PHF12: variants seen among roughly 807,000 people sequenced by gnomAD.
The protein encoded by PHF12 is PHD finger protein 12, also known as PHD factor 1.
In PHF12, 6 loss-of-function variants were observed where a neutral mutation model predicts 99.8. The observed-to-expected ratio is 0.06, with a 90% CI of 0.03 to 0.12. The LOEUF is 0.12. PHF12 is among the 10% of genes least tolerant of loss of function. The pLI, the probability that PHF12 is intolerant of heterozygous loss-of-function variation, is 1.00. For synonymous variants in PHF12, 480 were observed against 514.9 expected, an observed-to-expected ratio of 0.93 and a Z score of 0.92; for missense variants, 954 against 1,300.1, an observed-to-expected ratio of 0.73 and a Z score of 4.09.
At chr17:28,907,076 G>A (rs1306370458) in intron 13 of PHF12, 82 bp from the exon 14 acceptor site, 1 of 1,460,648 alleles carries the variant, frequency 6.8e-7, no homozygotes, top group Non-Finnish European at 9.3e-7. Context: ...TATGGAGAAG[G>A]CCGTGCTACT....
intron 2 of PHF12, among the ~76,000 whole-genome samples, chr17:28,935,992 T>G (rs1400305120): frequency 6.6e-6 from 1 of 152,176 alleles, no homozygotes; most frequent in East Asian, 1.9e-4. Context: ...ATCCCAACTC[T>G]CAGCCCGAGG....
At position 28,905,387 on chromosome 17, in the gene PHF12, G is replaced by C. The variant is rs905091873; in HGVS notation, c.*796C>G. The C allele has an allele frequency of 6.5e-6, 1 of 152,674 alleles. No individual in the cohort carries two copies. 9.5% of individuals were successfully genotyped at this position (152,674 alleles called of 1,614,324 possible). A position where few individuals can be genotyped will look rare whatever the true frequency, so the allele number is the denominator to read the frequency against. ...GGAACCAGGGGCAGGAGGAAGAGGA[G>C]AGAAGTGGCAAGAGAACAAAAAAAG... On this transcript the variant is annotated 3_prime_UTR_variant, in exon 15 of 15. Coordinates refer to ENST00000332830, the MANE Select transcript of PHF12 (RefSeq NM_001033561.2).
chr17:28,943,357 C>T (rs769710334), intron 2 of PHF12, among the ~76,000 whole-genome samples: 13 of 152,240 alleles, frequency 8.5e-5, no homozygotes, highest in South Asian at 4.1e-4. Context: ...CTGGCTGGCA[C>T]GGTGGCTCAC....
rs1444110729 is a variant in PHF12, at chr17:28,906,020, A to G, written c.*163T>C. 3 of 730,564 alleles carry G rather than the reference A, an allele frequency of 4.1e-6. No homozygotes were observed. Among genetic ancestry groups the G allele is most frequent in the Non-Finnish European group, 6.3e-6 (3 of 476,984 alleles). The allele number at this position is 730,564 out of a possible 1,614,324, so 45.3% of individuals were successfully genotyped here. A position where few individuals can be genotyped will look rare whatever the true frequency, so the allele number is the denominator to read the frequency against. Reference sequence around the variant, plus strand: ...CCTAGAACTTGAGAAAAGAAAAAGGATTTTTAAAAAACAGTCAAAAGGTTT... The same window carrying G: ...CCTAGAACTTGAGAAAAGAAAAAGGGTTTTTAAAAAACAGTCAAAAGGTTT... On this transcript the variant is annotated 3_prime_UTR_variant, in exon 15 of 15. Transcript: ENST00000332830. The surrounding 1 kb of genome is among the most constrained non-coding windows in gnomAD (Gnocchi z 4.2).
Position 28,913,112 on chromosome 17 carries a change from G to C in PHF12, c.1459C>G (p.Pro487Ala). The change falls in exon 9 of 15, where the codon CCT (proline) becomes GCT (alanine). Residue 487 changes from proline to alanine, a missense_variant. This residue lies in a region of PHF12 where 392 missense variants were observed against 423.1 expected (regional missense o/e 0.93). Transcript: ENST00000332830. ...GACAAGGGGTAGTGGGAAGGTGTAG[G>C]TGTCTTGTCAGCTGTTTGCAGGGAG... ...TTSLQTADKT[P>A]TPSHYPLSCP... 6.2e-7 allele frequency: 1 copy of C among 1,614,174 alleles called. No individual in the cohort carries two copies. The highest frequency in any genetic ancestry group is 8.5e-7 in the Non-Finnish European group (1 of 1,180,020).
At chr17:28,942,800 A>T (rs1376891067) in intron 2 of PHF12, among the ~76,000 whole-genome samples, 1 of 152,114 alleles carries the variant, frequency 6.6e-6, no homozygotes. Context: ...TCGGCGACAG[A>T]GGGAGACTCT....
At chr17:28,927,296 T>G (rs1036328426) in intron 2 of PHF12, among the ~76,000 whole-genome samples, 3 of 152,154 alleles carry the variant, frequency 2.0e-5, no homozygotes, top group Non-Finnish European at 4.4e-5. Flanking sequence ...ACACTGGGTT[T>G]GTAGGGAAAG....
At position 28,905,966 on chromosome 17, in the gene PHF12, G is replaced by A. The variant is rs2039864446; in HGVS notation, c.*217C>T. 6.0e-6 allele frequency: 3 copies of A among 500,944 alleles called. No homozygotes were observed. Among genetic ancestry groups the A allele is most frequent in the Non-Finnish European group, 6.8e-6 (2 of 294,074 alleles). The allele number at this position is 500,944 out of a possible 1,614,324, so 31.0% of individuals were successfully genotyped here. A position where few individuals can be genotyped will look rare whatever the true frequency, so the allele number is the denominator to read the frequency against. ...CAGGTCTGCCGCTTTCCCATGAAAT[G>A]TTGAGTACAAATATATGTGCAAATG... On this transcript the variant is annotated 3_prime_UTR_variant, in exon 15 of 15. Transcript: ENST00000332830.
intron 4 of PHF12, 114 bp from the exon 5 acceptor site, chr17:28,921,922 G>A: frequency 1.4e-6 from 2 of 1,404,578 alleles, no homozygotes; most frequent in Non-Finnish European, 1.9e-6. Flanking sequence ...CATGGCCTAA[G>A]CATGAATTGC....
chr17:28,935,273 T>C (rs2152673971), intron 2 of PHF12, among the ~76,000 whole-genome samples: 1 of 152,222 alleles, frequency 6.6e-6, no homozygotes, highest in Non-Finnish European at 1.5e-5. Flanking sequence ...ATTTTATTTA[T>C]TTTATTTTTT....
chr17:28,945,594 A>C (rs1024041808), intron 2 of PHF12, among the ~76,000 whole-genome samples: 2 of 152,138 alleles, frequency 1.3e-5, no homozygotes, highest in Non-Finnish European at 2.9e-5. Flanking sequence ...ATGCCATAAG[A>C]AGGTAATCAC....
Position 28,950,018 on chromosome 17 carries a change from CAG to C in PHF12, c.248+45_248+46del. 2.0e-6 allele frequency: 3 copies of C among 1,513,336 alleles called. No homozygotes were observed. The highest frequency in any genetic ancestry group is 2.7e-6 in the Non-Finnish European group (3 of 1,123,672). The allele number at this position is 1,513,336 out of a possible 1,614,324, so 93.7% of individuals were successfully genotyped here. ...GGGGCAGGCCGGGTGAAGGAATGCG[CAG>C]AGAAGGGTCCGCCAAGAAGCTCCAA... is the stretch of plus-strand genomic sequence containing the variant. On this transcript the variant is annotated intron_variant, in intron 2 of 14. Transcript: ENST00000332830. This position sits in a 1 kb window ranked among gnomAD's most constrained non-coding sequence, Gnocchi z 5.7.
chr17:28,945,723 C>A (rs965029571), intron 2 of PHF12, among the ~76,000 whole-genome samples: 4 of 152,194 alleles, frequency 2.6e-5, no homozygotes, highest in African/African-American at 9.7e-5. Flanking sequence ...TAAAGCTGTA[C>A]TGGTTATTCT....
rs377509307 is a variant in PHF12, at chr17:28,911,285, C to T, written c.2090-48G>A. On this transcript the variant is annotated intron_variant, in intron 9 of 14. Coordinates refer to ENST00000332830, the MANE Select transcript of PHF12 (RefSeq NM_001033561.2). ...GTTACTTACGTCGCCTGAGGGAAAC[C>T]CACCGTCCAATCCCCCACTGCTGAG... is the stretch of plus-strand genomic sequence containing the variant. The T allele has an allele frequency of 2.5e-6, 4 of 1,608,986 alleles. No individual in the cohort carries two copies. In the South Asian group the frequency reaches 3.3e-5, roughly 13 times the overall value.
In PHF12 at chr17:28,907,668, A is replaced by G. The variant is rs749629069; in HGVS notation, c.2463T>C (p.Ala821=). 7 of 1,613,640 alleles carry G rather than the reference A, an allele frequency of 4.3e-6. No individual in the cohort carries two copies. The highest frequency in any genetic ancestry group is 5.9e-6 in the Non-Finnish European group (7 of 1,179,744). The change falls in exon 13 of 15, where the codon GCT becomes GCC. Residue 821 remains alanine (A), a synonymous_variant. Coordinates refer to ENST00000332830, the MANE Select transcript of PHF12 (RefSeq NM_001033561.2). ...CYRTLYIGTG[A]DMDVCLTNYG... ...AGTTTGTAAGGCACACATCCATGTC[A>G]GCTCCTGCAAGGTGGCAGGAGTAGA...
chr17:28,947,527 G>A (rs1358833304), intron 2 of PHF12, among the ~76,000 whole-genome samples: 2 of 151,864 alleles, frequency 1.3e-5, no homozygotes, highest in African/African-American at 4.8e-5. Context: ...GCAATAAGCC[G>A]AGATTGCACC....
chr17:28,907,867 C>T (rs1178065986), intron 12 of PHF12, 195 bp from the exon 13 acceptor site: 5 of 495,912 alleles, frequency 1.0e-5, no homozygotes, highest in Non-Finnish European at 1.8e-5. Flanking sequence ...TGATAAAGAA[C>T]AGCTGTCCCT....
rs1390509254 is a variant in PHF12 at position 28,935,204 on chromosome 17, C to T, written c.249-8141G>A. ...CTACCAGATCATTTGTTAAAAGGCCCTGGCCTACAATTCCTGGCCAGAAAG... is the reference window on the plus strand; with the variant it reads ...CTACCAGATCATTTGTTAAAAGGCCTTGGCCTACAATTCCTGGCCAGAAAG... On this transcript the variant is annotated intron_variant, in intron 2 of 14. Transcript: ENST00000332830. 2.0e-5 allele frequency among the ~76,000 whole-genome samples: 3 copies of T among 152,230 alleles called. No individual in the cohort carries two copies. The East Asian group carries it at 5.8e-4, about 29-fold the overall frequency.
chr17:28,913,038 G>A lies in PHF12; in HGVS notation c.1533C>T (p.Pro511=). The A allele has an allele frequency of 6.2e-7, 1 of 1,614,182 alleles. No individual in the cohort carries two copies. The highest frequency in any genetic ancestry group is 8.5e-7 in the Non-Finnish European group (1 of 1,180,024). Residue 511 remains proline, a synonymous_variant, in exon 9 of 15, where the codon CCC becomes CCT. Transcript: ENST00000332830. ...STQNSLSCSP[P]HQSPALEDIG... ...TGTCCTCTAGGGCTGGGGACTGGTG[G>A]GGTGGAGAGCAGCTCAGGGAATTCT...
Sources: allele counts gnomAD v4.1 joint callset (sites outside exome capture counted in the v4.1 genomes callset), GRCh38; gene constraint gnomAD v4.1.1; regional missense constraint gnomAD v4.1.1; non-coding constraint Gnocchi (gnomAD v3.1); transcripts MANE v1.5; gene names NCBI Gene and HGNC (gene_info 2026-07-23, HGNC 2026-07-21).